The following ATRNL1 variants were observed in gnomAD, a reference collection of about 807,000 sequenced individuals.
ATRNL1 encodes attractin like 1.
In ATRNL1, 95 loss-of-function variants were observed where a neutral mutation model predicts 182.7. That is an observed-to-expected ratio of 0.52 (90% CI 0.44 to 0.62). The LOEUF (loss-of-function observed/expected upper bound fraction) is 0.62, where lower values mean the gene tolerates loss of function less well. Ranked by LOEUF, ATRNL1 falls within the 20% of genes least tolerant of loss-of-function variation. The pLI, the probability that ATRNL1 is intolerant of heterozygous loss-of-function variation, is 0.00. For synonymous variants in ATRNL1, 576 were observed against 568.3 expected, an observed-to-expected ratio of 1.01 and a Z score of -0.19; for missense variants, 1,471 against 1,679.5, an observed-to-expected ratio of 0.88 and a Z score of 2.17.
intron 27 of ATRNL1, among the ~76,000 whole-genome samples, chr10:115,844,274 A>C (rs1950878800): frequency 6.6e-6 from 1 of 152,066 alleles, no homozygotes; most frequent in Non-Finnish European, 1.5e-5. Context: ...GTTTCTAGTG[A>C]TGGGTCTCAG....
intron 26 of ATRNL1, among the ~76,000 whole-genome samples, chr10:115,647,097 A>C (rs1288015318): frequency 6.6e-6 from 1 of 151,840 alleles, no homozygotes; most frequent in Admixed American, 6.6e-5. Flanking sequence ...TGATGATTTC[A>C]GCTTCATCCA....
intron 27 of ATRNL1, among the ~76,000 whole-genome samples, chr10:115,783,838 C>A (rs1555079833): frequency 3.3e-5 from 5 of 152,080 alleles, no homozygotes; most frequent in Admixed American, 2.6e-4. Flanking sequence ...CACAGTGTAA[C>A]CCCGTCTCTA....
At chr10:115,712,537 A>G (rs1303201980) in intron 26 of ATRNL1, among the ~76,000 whole-genome samples, 1 of 152,206 alleles carries the variant, frequency 6.6e-6, no homozygotes, top group Non-Finnish European at 1.5e-5. Flanking sequence ...ATGCATACTT[A>G]CCTCTTAGAG....
intron 20 of ATRNL1, among the ~76,000 whole-genome samples, chr10:115,407,333 A>C (rs1844879442): frequency 1.3e-5 from 2 of 148,718 alleles, no homozygotes; most frequent in East Asian, 2.0e-4. Flanking sequence ...TATTCCTCCT[A>C]TCTAGTTGTA....
chr10:115,673,883 T>TGGAA (rs1213163900), intron 26 of ATRNL1, among the ~76,000 whole-genome samples: 1 of 152,028 alleles, frequency 6.6e-6, no homozygotes, highest in Non-Finnish European at 1.5e-5. Flanking sequence ...CTTAGTGTAC[T>TGGAA]GTTCTGGAAC....
intron 28 of ATRNL1, among the ~76,000 whole-genome samples, chr10:115,877,908 TAAATGGACACTTA>T (rs1305251687): frequency 7.2e-5 from 11 of 152,234 alleles, no homozygotes; most frequent in African/African-American, 2.7e-4. Flanking sequence ...GGCCCTGCAC[TAAATGGACACTTA>T]GAGTCTTGTG....
chr10:115,265,669 T>A (rs1851579762), intron 11 of ATRNL1, among the ~76,000 whole-genome samples: 1 of 151,726 alleles, frequency 6.6e-6, no homozygotes, highest in East Asian at 1.9e-4. Flanking sequence ...TAGATTCTCA[T>A]TTTAGTTCTG....
chr10:115,793,704 A>G (rs1265197560), intron 27 of ATRNL1, among the ~76,000 whole-genome samples: 2 of 152,140 alleles, frequency 1.3e-5, no homozygotes, highest in Non-Finnish European at 2.9e-5. Flanking sequence ...TACCCACTAT[A>G]TTTATGTACC....
intron 26 of ATRNL1, among the ~76,000 whole-genome samples, chr10:115,626,402 G>A (rs1555024653): frequency 6.6e-6 from 1 of 151,936 alleles, no homozygotes; most frequent in African/African-American, 2.4e-5. Context: ...ATAGTAATTT[G>A]GCTCAAATAC....
chr10:115,560,478 A>G (rs1370600592), intron 26 of ATRNL1, among the ~76,000 whole-genome samples: 2 of 152,166 alleles, frequency 1.3e-5, no homozygotes, highest in Admixed American at 1.3e-4. Context: ...AAACCATATC[A>G]CTCTGAAAAC....
At chr10:115,121,957 G>A in intron 3 of ATRNL1, 145 bp downstream of exon 3, 1 of 410,830 alleles carries the variant, frequency 2.4e-6, no homozygotes, top group Non-Finnish European at 4.3e-6. Context: ...GTTATGTGCT[G>A]TAACTGTCAA....
chr10:115,527,103 G>A (rs1448307673), intron 25 of ATRNL1, among the ~76,000 whole-genome samples: 9 of 147,480 alleles, frequency 6.1e-5, no homozygotes, highest in African/African-American at 1.8e-4. Context: ...TGCCATCAGG[G>A]ATCAGAGAGG....
intron 26 of ATRNL1, among the ~76,000 whole-genome samples, chr10:115,686,320 T>G (rs1946219251): frequency 6.6e-6 from 1 of 151,974 alleles, no homozygotes; most frequent in African/African-American, 2.4e-5. Flanking sequence ...AGCAAAAGAC[T>G]CTGCTTCCTT....
intron 8 of ATRNL1, among the ~76,000 whole-genome samples, chr10:115,198,074 T>C (rs957463162): frequency 6.6e-6 from 1 of 152,190 alleles, no homozygotes; most frequent in African/African-American, 2.4e-5. Context: ...GTTCTACTTT[T>C]AATTTTTAGG....
chr10:115,354,636 G>C (rs1045172016), intron 19 of ATRNL1, among the ~76,000 whole-genome samples: 3 of 151,892 alleles, frequency 2.0e-5, no homozygotes, highest in Non-Finnish European at 2.9e-5. Context: ...TTTGACCTTT[G>C]ATAGTTTGAT....
At chr10:115,454,668 A>G (rs534476896) in intron 21 of ATRNL1, among the ~76,000 whole-genome samples, 7 of 152,062 alleles carry the variant, frequency 4.6e-5, no homozygotes, top group African/African-American at 1.7e-4. Flanking sequence ...CATTGTAAGA[A>G]TGTTTTCTTT....
At chr10:115,423,499 G>C (rs1231786808) in intron 20 of ATRNL1, among the ~76,000 whole-genome samples, 3 of 152,160 alleles carry the variant, frequency 2.0e-5, no homozygotes, top group Non-Finnish European at 4.4e-5. Context: ...CTGTATTCCA[G>C]CCTGGGCAAC....
chr10:115,798,585 C>T, intron 27 of ATRNL1, among the ~76,000 whole-genome samples: 1 of 151,106 alleles, frequency 6.6e-6, no homozygotes, highest in African/African-American at 2.4e-5. Context: ...TGGTTTTGTC[C>T]TGTTACAGAC....
At chr10:115,129,770 T>C (rs1410116614) in intron 5 of ATRNL1, among the ~76,000 whole-genome samples, 1 of 152,236 alleles carries the variant, frequency 6.6e-6, no homozygotes, top group Non-Finnish European at 1.5e-5. Flanking sequence ...TGAAGTTATA[T>C]ATGAAACTGA....
Sources: gnomAD v4.1 joint callset for allele counts (sites outside exome capture counted in the v4.1 genomes callset) on GRCh38, gnomAD v4.1.1 for gene constraint, MANE v1.5 for transcripts, NCBI Gene and HGNC (gene_info 2026-07-23, HGNC 2026-07-21) for gene names.